Variants in KRT10 observed in about 807,000 individuals in gnomAD.
KRT10 encodes keratin, type I cytoskeletal 10.
In KRT10, 40 loss-of-function variants were observed where a neutral mutation model predicts 59.2. The observed-to-expected ratio is 0.68, with a 90% CI of 0.52 to 0.88. The LOEUF (loss-of-function observed/expected upper bound fraction) is 0.88. Ranked by LOEUF, KRT10 falls within the 40% of genes least tolerant of loss-of-function variation. The probability of loss-of-function intolerance (pLI) is 0.00; values close to 1 mark genes in which losing one functional copy is unlikely to be tolerated. For missense variants in KRT10, 719 were observed against 749.1 expected (o/e 0.96, Z 0.47); for synonymous variants, 336 against 310.7 (o/e 1.08, Z -0.86).
chr17:40,819,433 G>A, intron 6 of KRT10, 84 bp downstream of exon 6: 2 of 1,372,506 alleles, frequency 1.5e-6, no homozygotes, highest in Non-Finnish European at 2.1e-6. Flanking sequence ...TCATTCTCTG[G>A]CATCTTCTTG....
chr17:40,819,775 A>C (rs1905262823), intron 5 of KRT10, 41 bp from the exon 6 acceptor site: 1 of 1,501,912 alleles, frequency 6.7e-7, no homozygotes, highest in Admixed American at 1.7e-5. Context: ...TTCCTTGTTC[A>C]GTTGAGTATG....
intron 1 of KRT10, 56 bp downstream of exon 1, chr17:40,821,903 T>C (rs938475448): frequency 5.8e-5 from 91 of 1,569,792 alleles, no homozygotes; most frequent in Non-Finnish European, 7.5e-5. Context: ...TTAAGATTCA[T>C]CTGTCTGGAT....
At position 40,819,688 on chromosome 17, in the gene KRT10, C is replaced by T; in HGVS notation, c.1202G>A (p.Cys401Tyr). 1 of 1,614,198 alleles carries T rather than the reference C, an allele frequency of 6.2e-7. No homozygotes were observed. The highest frequency in any genetic ancestry group is 8.5e-7 in the Non-Finnish European group (1 of 1,180,038). ...GGCCTGAATCTGTGAGAGCTGCACACAGTAGCGACCTTCTGTTTCTGCCAA... is the reference window on the plus strand; with the variant it reads ...GGCCTGAATCTGTGAGAGCTGCACATAGTAGCGACCTTCTGTTTCTGCCAA... The part of the protein sequence containing the change: ...ASLAETEGRY[C>Y]VQLSQIQAQI... Residue 401 changes from cysteine (C) to tyrosine (Y), a missense_variant, in exon 6 of 8, where the codon TGT (cysteine) becomes TAT (tyrosine). By Grantham distance (194) the Cys-to-Tyr change is radical. Coordinates refer to ENST00000269576, the MANE Select transcript of KRT10 (RefSeq NM_000421.5).
rs1567706223 is a variant in KRT10 at position 40,818,911 on chromosome 17, A to AGCT, written c.1623_1624insAGC (p.Gly541_Tyr542insSer). The AGCT allele has an allele frequency of 1.5e-5, 19 of 1,246,246 alleles. No individual in the cohort carries two copies. Among genetic ancestry groups the AGCT allele is most frequent in the Admixed American group, 3.1e-5 (1 of 32,760 alleles). 77.2% of individuals were successfully genotyped at this position (1,246,246 alleles called of 1,614,324 possible). A position where few individuals can be genotyped will look rare whatever the true frequency, so the allele number is the denominator to read the frequency against. The stretch of plus-strand genomic sequence containing the variant: ...CCGCCGCCGGAGCTGCCGCCCCCGT[A>AGCT]GCCGCCGCCGCCGCCGCCGGAACTG... On this transcript the variant is annotated inframe_insertion, in exon 7 of 8. Coordinates refer to ENST00000269576, the MANE Select transcript of KRT10 (RefSeq NM_000421.5).
Position 40,819,869 on chromosome 17 carries a change from A to T in KRT10, c.1156-135T>A, listed in dbSNP as rs532309007. 7,751 of 1,097,676 alleles carry T rather than the reference A, an allele frequency of 7.1e-3. 66 individuals are homozygous for T. Among genetic ancestry groups the T allele is most frequent in the South Asian group, 0.027 (2,098 of 76,890 alleles). The allele number at this position is 1,097,676 out of a possible 1,614,324, so 68.0% of individuals were successfully genotyped here. ...AATTTGTTGTATGTTTAATGGCACC[A>T]TTTCAGTTTCAGCACTTTTAGATCA... On this transcript the variant is annotated intron_variant, in intron 5 of 7. Coordinates refer to ENST00000269576, the MANE Select transcript of KRT10 (RefSeq NM_000421.5).
At chr17:40,818,532 G>GC (rs1567705054) in intron 7 of KRT10, 50 bp from the exon 8 acceptor site, 25 of 1,310,418 alleles carry the variant, frequency 1.9e-5, no homozygotes, top group Non-Finnish European at 2.4e-5. Context: ...GGGATCCTTA[G>GC]TAATTAACAA....
At position 40,819,382 on chromosome 17, in the gene KRT10, T is replaced by A. The variant is rs1010531148; in HGVS notation, c.1373+135A>T. ...ATGAGAAAGTGAGATTGCGGTTGCG[T>A]ACTCCTTTTTCTGTACTCTACCCTC... On this transcript the variant is annotated intron_variant, in intron 6 of 7. Coordinates refer to ENST00000269576, the MANE Select transcript of KRT10 (RefSeq NM_000421.5). The A allele has an allele frequency of 1.3e-5, 17 of 1,269,372 alleles. No individual in the cohort carries two copies. The South Asian group carries it at 1.9e-4, about 14-fold the overall frequency. The allele number at this position is 1,269,372 out of a possible 1,614,324, so 78.6% of individuals were successfully genotyped here.
rs552810834 is a variant in KRT10 at position 40,820,970 on chromosome 17, A to C, written c.710+65T>G. On this transcript the variant is annotated intron_variant, in intron 2 of 7. Transcript: ENST00000269576. ...TGTAAATGTTATTGAGGGCATCCCA[A>C]GTCATTGTTAAAAACCACTGATGTA... The C allele has an allele frequency of 7.1e-5, 89 of 1,261,150 alleles. No homozygotes were observed. The African/African-American group carries it at 1.2e-3, about 17-fold the overall frequency. The allele number at this position is 1,261,150 out of a possible 1,614,324, so 78.1% of individuals were successfully genotyped here. A position where few individuals can be genotyped will look rare whatever the true frequency, so the allele number is the denominator to read the frequency against.
Position 40,818,969 on chromosome 17 carries a change from G to A in KRT10, c.1566C>T (p.His522=), listed in dbSNP as rs1202039603. The A allele has an allele frequency of 1.9e-5, 26 of 1,377,530 alleles. No individual in the cohort carries two copies. The highest frequency in any genetic ancestry group is 2.1e-5 in the Non-Finnish European group (22 of 1,067,100). The allele number at this position is 1,377,530 out of a possible 1,614,324, so 85.3% of individuals were successfully genotyped here. A position where few individuals can be genotyped will look rare whatever the true frequency, so the allele number is the denominator to read the frequency against. Reference sequence around the variant, plus strand: ...CGTAGCCGCCGCTGGAACTGCCGCCGTGGCCGCCGCTGGAGCTTCCGCCCC... The same window carrying A: ...CGTAGCCGCCGCTGGAACTGCCGCCATGGCCGCCGCTGGAGCTTCCGCCCC... The part of the protein sequence containing the change: ...GYGGGSSSGG[H]GGSSSGGYGG... The change falls in exon 7 of 8, where the codon CAC becomes CAT. Residue 522 remains histidine (H), a synonymous_variant. Transcript: ENST00000269576.
intron 6 of KRT10, 114 bp from the exon 7 acceptor site, chr17:40,819,275 G>T (rs1002010694): frequency 1.2e-5 from 18 of 1,555,226 alleles, no homozygotes; most frequent in Admixed American, 7.4e-5. Context: ...ATAAAACCCT[G>T]CCAGGTATAT....
chr17:40,820,583 G>T lies in KRT10; in HGVS notation c.795C>A (p.Thr265=), dbSNP rs1905322762. Residue 265 remains threonine (T), a synonymous_variant, in exon 3 of 8, where the codon ACC becomes ACA. Transcript: ENST00000269576. ...LRRVLDELTL[T]KADLEMQIES... ...CAATTTGCATCTCCAGGTCAGCCTT[G>T]GTCAGGGTCAGCTCATCCAGCACCC... 6.2e-7 allele frequency: 1 copy of T among 1,614,200 alleles called. No individual in the cohort carries two copies. Among genetic ancestry groups the T allele is most frequent in the Non-Finnish European group, 8.5e-7 (1 of 1,180,040 alleles).
chr17:40,821,826 A>T, intron 1 of KRT10, 133 bp downstream of exon 1: 1 of 925,378 alleles, frequency 1.1e-6, no homozygotes, highest in Non-Finnish European at 1.7e-6. Context: ...CTTTGATGAG[A>T]CTGGGTTATT....
Position 40,818,980 on chromosome 17 carries a change from TGGAGCTTCCGCCCCCGTAGCCGCCGCC to T in KRT10, c.1528_1554del (p.Gly510_Ser518del), listed in dbSNP as rs756915372. The T allele has an allele frequency of 1.5e-6, 2 of 1,328,660 alleles. No homozygotes were observed. The highest frequency in any genetic ancestry group is 3.8e-5 in the East Asian group (1 of 26,388). The allele number at this position is 1,328,660 out of a possible 1,614,324, so 82.3% of individuals were successfully genotyped here. On this transcript the variant is annotated inframe_deletion, in exon 7 of 8. Transcript: ENST00000269576. The stretch of plus-strand genomic sequence containing the variant: ...CTGGAACTGCCGCCGTGGCCGCCGC[TGGAGCTTCCGCCCCCGTAGCCGCCGCC>T]GGAGCTTCCGCCGCCGGAGCTTCCG...
Position 40,822,394 on chromosome 17 carries a change from C to G in KRT10, c.192G>C (p.Gly64=). The change falls in exon 1 of 8, where the codon GGG becomes GGC. Residue 64 remains glycine, a synonymous_variant. Transcript: ENST00000269576. The stretch of plus-strand genomic sequence containing the variant: ...CACCTGATGAGCCCCCAAAGCAGCC[C>G]CCACCAGAGCTCCCACGGCTAAAAG... ...GGSFSRGSSG[G]GCFGGSSGGY... The G allele has an allele frequency of 6.2e-7, 1 of 1,612,308 alleles. No homozygotes were observed. Among genetic ancestry groups the G allele is most frequent in the Non-Finnish European group, 8.5e-7 (1 of 1,178,846 alleles).
chr17:40,818,497 G>A lies in KRT10; in HGVS notation c.1749-15C>T. 1 of 1,553,844 alleles carries A rather than the reference G, an allele frequency of 6.4e-7. No homozygotes were observed. Among genetic ancestry groups the A allele is most frequent in the Non-Finnish European group, 8.9e-7 (1 of 1,125,706 alleles). On this transcript the variant is annotated splice_polypyrimidine_tract_variant and intron_variant, in intron 7 of 7. Coordinates refer to ENST00000269576, the MANE Select transcript of KRT10 (RefSeq NM_000421.5). ...TTTGTTAGTATCTGTGTGAATGATG[G>A]AAAAAAAATTTTAAACAGTCTGTAG...
In KRT10 at chr17:40,821,118, C is replaced by T; in HGVS notation, c.628-1G>A. 1 of 1,611,634 alleles carries T rather than the reference C, an allele frequency of 6.2e-7. No homozygotes were observed. Among genetic ancestry groups the T allele is most frequent in the Non-Finnish European group, 8.5e-7 (1 of 1,177,830 alleles). On this transcript the variant is annotated splice_acceptor_variant, in intron 1 of 7. Transcript: ENST00000269576. LOFTEE classifies it high-confidence loss of function. ...CATTATCAGTTGTTAGGTTGAGAAT[C>T]TGGAGGGAGAGGCACAGTTATTTGA... is the stretch of plus-strand genomic sequence containing the variant.
At position 40,819,749 on chromosome 17, in the gene KRT10, T is replaced by G. The variant is rs186759981; in HGVS notation, c.1156-15A>C. ...AGGGATTGTTTCTGAAACGGATTTT[T>G]TTGTGGCTTAGTGACTTCCTTGTTC... On this transcript the variant is annotated splice_polypyrimidine_tract_variant and intron_variant, in intron 5 of 7. Coordinates refer to ENST00000269576, the MANE Select transcript of KRT10 (RefSeq NM_000421.5). 1 of 1,610,706 alleles carries G rather than the reference T, an allele frequency of 6.2e-7. No individual in the cohort carries two copies. The highest frequency in any genetic ancestry group is 2.2e-5 in the East Asian group (1 of 44,884).
At chr17:40,821,846 A>C in intron 1 of KRT10, 113 bp downstream of exon 1, 1 of 1,139,616 alleles carries the variant, frequency 8.8e-7, no homozygotes, top group South Asian at 1.3e-5. Flanking sequence ...TTTTGAAGGA[A>C]GAAAGTAACA....
chr17:40,820,580 C>T lies in KRT10; in HGVS notation c.798G>A (p.Lys266=), dbSNP rs1370052194. The T allele has an allele frequency of 1.2e-6, 2 of 1,614,122 alleles. No individual in the cohort carries two copies. The highest frequency in any genetic ancestry group is 1.3e-5 in the African/African-American group (1 of 74,930). ...RRVLDELTLT[K]ADLEMQIESL... ...TCTCAATTTGCATCTCCAGGTCAGC[C>T]TTGGTCAGGGTCAGCTCATCCAGCA... Residue 266 remains lysine (K), a synonymous_variant, in exon 3 of 8, where the codon AAG becomes AAA. Coordinates refer to ENST00000269576, the MANE Select transcript of KRT10 (RefSeq NM_000421.5).
Sources: gnomAD v4.1 joint callset for allele counts on GRCh38, gnomAD v4.1.1 for gene constraint, MANE v1.5 for transcripts, NCBI Gene and HGNC (gene_info 2026-07-23, HGNC 2026-07-21) for gene names.